Variants in PPFIA2 observed in about 807,000 individuals in gnomAD.
PPFIA2 encodes the protein PPFI scaffold protein A2, also known as liprin-alpha-2.
In PPFIA2, 46 loss-of-function variants were observed where a neutral mutation model predicts 175.5. The ratio of observed to expected loss-of-function variants is 0.26; its 90% CI spans 0.21 to 0.34. The LOEUF (loss-of-function observed/expected upper bound fraction) is 0.34, where lower values mean the gene tolerates loss of function less well. Among genes scored for constraint, PPFIA2 ranks in the 10% least tolerant of loss-of-function variants. The probability of loss-of-function intolerance (pLI) is 1.00; values close to 1 mark genes in which losing one functional copy is unlikely to be tolerated. For synonymous variants in PPFIA2, 568 were observed against 511.4 expected (o/e 1.11, Z -1.49); for missense variants, 1,179 against 1,506.1 (o/e 0.78, Z 3.60).
chr12:81,715,546 T>C lies in PPFIA2; in HGVS notation c.249+38427A>G, dbSNP rs976159172. On this transcript the variant is annotated intron_variant, in intron 3 of 32. Coordinates refer to ENST00000549396, the MANE Select transcript of PPFIA2 (RefSeq NM_003625.5). ...CAAGCTTTACGTGCTTTTTCTCAGC[T>C]TTTTTCCCCCAGTAAGATTAAGGTG... is the stretch of plus-strand genomic sequence containing the variant. 2.6e-5 allele frequency among the ~76,000 whole-genome samples: 4 copies of C among 151,726 alleles called. No homozygotes were observed. In the East Asian group the frequency reaches 5.8e-4, roughly 22 times the overall value.
intron 8 of PPFIA2, among the ~76,000 whole-genome samples, chr12:81,388,731 A>G (rs1219544993): frequency 1.3e-5 from 2 of 152,112 alleles, no homozygotes; most frequent in Non-Finnish European, 2.9e-5. Context: ...TTGAAAAATC[A>G]TATTTAAGAT....
intron 4 of PPFIA2, among the ~76,000 whole-genome samples, chr12:81,498,893 G>C (rs1350180697): frequency 2.0e-5 from 3 of 152,154 alleles, no homozygotes; most frequent in Admixed American, 6.5e-5. Flanking sequence ...AAATTGCTGG[G>C]ATTAGAGACG....
At chr12:81,507,479 CT>C (rs752740536) in intron 4 of PPFIA2, among the ~76,000 whole-genome samples, 133 of 152,170 alleles carry the variant, frequency 8.7e-4, no homozygotes, top group Admixed American at 2.4e-3. Context: ...TCCTAAGTGA[CT>C]TTTTGTATCC....
intron 4 of PPFIA2, among the ~76,000 whole-genome samples, chr12:81,486,156 C>T (rs989215790): frequency 5.3e-5 from 8 of 151,768 alleles, no homozygotes; most frequent in African/African-American, 1.7e-4. Flanking sequence ...TAATATGTAT[C>T]AGCTTATTGA....
At chr12:81,501,955 G>T (rs1036678575) in intron 4 of PPFIA2, among the ~76,000 whole-genome samples, 4 of 152,098 alleles carry the variant, frequency 2.6e-5, no homozygotes, top group Non-Finnish European at 5.9e-5. Flanking sequence ...GAGCCCTGGC[G>T]GTGGGAGAGT....
At chr12:81,484,039 G>A (rs1213437338) in intron 4 of PPFIA2, among the ~76,000 whole-genome samples, 8 of 151,946 alleles carry the variant, frequency 5.3e-5, no homozygotes, top group African/African-American at 1.7e-4. Flanking sequence ...TGATGGTGCT[G>A]TATTCTTAAA....
At chr12:81,559,454 T>C (rs1315413504) in intron 4 of PPFIA2, among the ~76,000 whole-genome samples, 1 of 152,226 alleles carries the variant, frequency 6.6e-6, no homozygotes, top group South Asian at 2.1e-4. Flanking sequence ...TTGTATTCTA[T>C]TGGGAGAAAA....
chr12:81,693,951 G>A (rs2075581802), intron 3 of PPFIA2, among the ~76,000 whole-genome samples: 1 of 151,950 alleles, frequency 6.6e-6, no homozygotes, highest in African/African-American at 2.4e-5. Flanking sequence ...GATGATTAGG[G>A]TATTTGATGA....
chr12:81,437,391 A>G (rs1014406923), intron 7 of PPFIA2, among the ~76,000 whole-genome samples: 5 of 149,840 alleles, frequency 3.3e-5, no homozygotes, highest in East Asian at 1.9e-4. Context: ...CACCAAGCCC[A>G]GCTAATTTTT....
chr12:81,377,379 G>A lies in PPFIA2; in HGVS notation c.985-1437C>T, dbSNP rs149641777. ...TGCCTGGCTAACATGGTGAAATCCCGTCTCTACTAAAAATACAAAAAACTT... is the reference window on the plus strand; with the variant it reads ...TGCCTGGCTAACATGGTGAAATCCCATCTCTACTAAAAATACAAAAAACTT... On this transcript the variant is annotated intron_variant, in intron 9 of 32. Transcript: ENST00000549396. Among the ~76,000 whole-genome samples the A allele has an allele frequency of 7.8e-3, 1,183 of 151,942 alleles. 7 individuals are homozygous for A. The highest frequency in any genetic ancestry group is 0.013 in the Admixed American group (195 of 15,260).
At chr12:81,424,426 A>G (rs1194400886) in intron 7 of PPFIA2, among the ~76,000 whole-genome samples, 2 of 152,190 alleles carry the variant, frequency 1.3e-5, no homozygotes, top group Non-Finnish European at 1.5e-5. Context: ...TGAACGAAAT[A>G]TGCTTTTCAC....
chr12:81,287,362 G>A (rs1488927765), intron 24 of PPFIA2, among the ~76,000 whole-genome samples: 1 of 151,896 alleles, frequency 6.6e-6, no homozygotes, highest in Non-Finnish European at 1.5e-5. Context: ...TTAAGTCTGT[G>A]TCTGCCAGTC....
intron 3 of PPFIA2, among the ~76,000 whole-genome samples, chr12:81,687,796 A>G (rs1386211825): frequency 1.3e-5 from 2 of 151,838 alleles, no homozygotes; most frequent in African/African-American, 4.8e-5. Context: ...TAATTCATGG[A>G]AAGCTACCTA....
intron 22 of PPFIA2, among the ~76,000 whole-genome samples, chr12:81,307,987 A>C (rs537218599): frequency 6.6e-6 from 1 of 152,266 alleles, no homozygotes; most frequent in East Asian, 1.9e-4. Context: ...TAAGATTCTA[A>C]GTCCTCTCCC....
rs1054178778 is a variant in PPFIA2, at chr12:81,735,389, A to G, written c.249+18584T>C. On this transcript the variant is annotated intron_variant, in intron 3 of 32. Coordinates refer to ENST00000549396, the MANE Select transcript of PPFIA2 (RefSeq NM_003625.5). ...TTCATCTGCTTATTGACATCTATTT[A>G]CCATCACTGATGAAATGTCTATGCA... Among the ~76,000 whole-genome samples, 6 of 151,870 alleles carry G rather than the reference A, an allele frequency of 4.0e-5. No individual in the cohort carries two copies. The East Asian group carries it at 1.2e-3, about 30-fold the overall frequency.
chr12:81,670,925 T>C (rs2071280375), intron 4 of PPFIA2, among the ~76,000 whole-genome samples: 1 of 151,964 alleles, frequency 6.6e-6, no homozygotes, highest in African/African-American at 2.4e-5. Flanking sequence ...TAAGTGCTTT[T>C]CTTTCTCAGG....
At chr12:81,538,453 T>C (rs1373467690) in intron 4 of PPFIA2, among the ~76,000 whole-genome samples, 1 of 151,828 alleles carries the variant, frequency 6.6e-6, no homozygotes, top group African/African-American at 2.4e-5. Context: ...ACAATAAATA[T>C]GTTTTATGTA....
intron 7 of PPFIA2, among the ~76,000 whole-genome samples, chr12:81,423,813 A>G (rs543003370): frequency 3.3e-5 from 5 of 152,270 alleles, no homozygotes; most frequent in African/African-American, 4.8e-5. Flanking sequence ...ATCTGTATGC[A>G]AATGACATGA....
intron 4 of PPFIA2, among the ~76,000 whole-genome samples, chr12:81,673,673 T>C (rs1237907107): frequency 6.6e-6 from 1 of 152,042 alleles, no homozygotes; most frequent in Non-Finnish European, 1.5e-5. Context: ...AAGACAGCTT[T>C]AAGTTAATAT....
Sources: allele counts gnomAD v4.1 joint callset (sites outside exome capture counted in the v4.1 genomes callset), GRCh38; gene constraint gnomAD v4.1.1; transcripts MANE v1.5; gene names NCBI Gene and HGNC (gene_info 2026-07-23, HGNC 2026-07-21).